Variants in ARHGEF12 observed in about 807,000 individuals in gnomAD.
ARHGEF12 encodes the protein Rho guanine nucleotide exchange factor 12.
Under a neutral mutation model 211.2 loss-of-function variants are expected in ARHGEF12, and 66 were observed. That is an observed-to-expected ratio of 0.31 (90% CI 0.26 to 0.38). The LOEUF (loss-of-function observed/expected upper bound fraction) is 0.38, where lower values mean the gene tolerates loss of function less well. Among genes scored for constraint, ARHGEF12 ranks in the 10% least tolerant of loss-of-function variants. The pLI, the probability that ARHGEF12 is intolerant of heterozygous loss-of-function variation, is 1.00. For missense variants in ARHGEF12, 1,429 were observed against 1,869.5 expected, an observed-to-expected ratio of 0.76 and a Z score of 4.34; for synonymous variants, 592 against 638.4, an observed-to-expected ratio of 0.93 and a Z score of 1.09.
At chr11:120,459,487 A>C in intron 26 of ARHGEF12, 167 bp downstream of exon 26, 1 of 762,998 alleles carries the variant, frequency 1.3e-6, no homozygotes, top group Non-Finnish European at 2.0e-6. Context: ...TTTTCCTCAC[A>C]ATCAATCTTT....
chr11:120,459,488 A>G, intron 26 of ARHGEF12, 168 bp downstream of exon 26: 2 of 761,344 alleles, frequency 2.6e-6, no homozygotes, highest in Admixed American at 3.1e-5. Flanking sequence ...TTTCCTCACA[A>G]TCAATCTTTC....
rs1219510287 is a variant in ARHGEF12, at chr11:120,406,151, C to T, written c.56+10C>T. The T allele has an allele frequency of 1.3e-6, 2 of 1,512,686 alleles. No homozygotes were observed. The highest frequency in any genetic ancestry group is 1.3e-5 in the South Asian group (1 of 76,436). 93.7% of individuals were successfully genotyped at this position (1,512,686 alleles called of 1,614,324 possible). ...TCAAAAAACCTATAAGGTAAGTTTG[C>T]TCAATTACACTTCATACTCAAGTTT... is the stretch of plus-strand genomic sequence containing the variant. On this transcript the variant is annotated intron_variant, in intron 2 of 40. Coordinates refer to ENST00000397843, the MANE Select transcript of ARHGEF12 (RefSeq NM_015313.3).
intron 1 of ARHGEF12, among the ~76,000 whole-genome samples, chr11:120,350,514 CAAA>C (rs1049405896): frequency 4.9e-5 from 4 of 81,042 alleles, no homozygotes; most frequent in Non-Finnish European, 7.6e-5. Context: ...GACTCCGTCT[CAAA>C]AAAAAAAAAA....
rs371114939 is a variant in ARHGEF12, at chr11:120,477,419, G to GTTT, written c.3453-11_3453-9dup. 4,072 of 1,242,426 alleles carry GTTT rather than the reference G, an allele frequency of 3.3e-3. 7 individuals are homozygous for GTTT. Among genetic ancestry groups the GTTT allele is most frequent in the South Asian group, 9.8e-3 (683 of 69,372 alleles). The allele number at this position is 1,242,426 out of a possible 1,614,324, so 77.0% of individuals were successfully genotyped here. On this transcript the variant is annotated intron_variant, in intron 35 of 40. Transcript: ENST00000397843. The stretch of plus-strand genomic sequence containing the variant: ...GTTTAGATACCTCAGGAAGGTAAAA[G>GTTT]TTTTTTTTTTTTTTTTTTTCTCTAC...
intron 1 of ARHGEF12, among the ~76,000 whole-genome samples, chr11:120,347,153 TTCCTTCCTTC>T (rs1942766982): frequency 8.2e-5 from 4 of 49,048 alleles, no homozygotes; most frequent in African/African-American, 1.3e-4. Flanking sequence ...CCTTCCTTCC[TTCCTTCCTTC>T]CTTCCTTCCT....
intron 1 of ARHGEF12, among the ~76,000 whole-genome samples, chr11:120,368,996 G>A (rs1374098464): frequency 1.3e-5 from 2 of 152,168 alleles, no homozygotes; most frequent in Middle Eastern, 3.4e-3. Context: ...TATAATATAG[G>A]TGGTCATTCT....
At chr11:120,389,560 G>T (rs902659081) in intron 1 of ARHGEF12, among the ~76,000 whole-genome samples, 5 of 152,184 alleles carry the variant, frequency 3.3e-5, no homozygotes, top group African/African-American at 1.2e-4. Flanking sequence ...TCACATCAGG[G>T]TGGATGGGGT....
At chr11:120,435,418 T>A (rs924421792) in intron 11 of ARHGEF12, among the ~76,000 whole-genome samples, 3 of 152,090 alleles carry the variant, frequency 2.0e-5, no homozygotes, top group African/African-American at 7.2e-5. Flanking sequence ...TTATATCACA[T>A]GAGGATGTGA....
intron 27 of ARHGEF12, among the ~76,000 whole-genome samples, chr11:120,461,284 G>A (rs1946521754): frequency 6.6e-6 from 1 of 152,160 alleles, no homozygotes; most frequent in South Asian, 2.1e-4. Context: ...TGGTCCATGA[G>A]CTGCAGAATG....
At chr11:120,476,826 T>C in intron 34 of ARHGEF12, 78 bp downstream of exon 34, 1 of 1,189,352 alleles carries the variant, frequency 8.4e-7, no homozygotes, top group East Asian at 2.4e-5. Flanking sequence ...AACTTAACTT[T>C]GTTTTTATAA....
At chr11:120,374,190 C>CGAA (rs1802645488) in intron 1 of ARHGEF12, among the ~76,000 whole-genome samples, 1 of 152,170 alleles carries the variant, frequency 6.6e-6, no homozygotes, top group South Asian at 2.1e-4. Flanking sequence ...CTCCTGTTTC[C>CGAA]TTTCCCTATG....
At chr11:120,349,889 T>C (rs1257191698) in intron 1 of ARHGEF12, among the ~76,000 whole-genome samples, 1 of 152,248 alleles carries the variant, frequency 6.6e-6, no homozygotes, top group African/African-American at 2.4e-5. Flanking sequence ...TTATCTTTTA[T>C]ATTTCAGGCT....
intron 1 of ARHGEF12, among the ~76,000 whole-genome samples, chr11:120,393,518 T>G (rs553665015): frequency 6.6e-6 from 1 of 152,168 alleles, no homozygotes; most frequent in Non-Finnish European, 1.5e-5. Context: ...AAAGGAAAAC[T>G]AGACCACATT....
rs749170904 is a variant in ARHGEF12, at chr11:120,437,573, G to C, written c.999+191G>C. ...TTCCATGGTTTGTAAGTATTCTTAG[G>C]TTCCTTCATATTTGTCGTGGTGGTA... is the stretch of plus-strand genomic sequence containing the variant. On this transcript the variant is annotated intron_variant, in intron 12 of 40. Coordinates refer to ENST00000397843, the MANE Select transcript of ARHGEF12 (RefSeq NM_015313.3). Among the ~76,000 whole-genome samples the C allele has an allele frequency of 2.0e-5, 3 of 151,976 alleles. No individual in the cohort carries two copies. In the East Asian group the frequency reaches 5.8e-4, roughly 29 times the overall value.
chr11:120,422,615 T>C (rs1945225333), intron 6 of ARHGEF12, among the ~76,000 whole-genome samples: 1 of 152,202 alleles, frequency 6.6e-6, no homozygotes, highest in Non-Finnish European at 1.5e-5. Context: ...TATACAAATA[T>C]TCCAAACTTC....
chr11:120,460,583 T>TA (rs57250811), intron 26 of ARHGEF12, 89 bp from the exon 27 acceptor site: 33,385 of 887,416 alleles, frequency 0.038, no homozygotes, highest in East Asian at 0.06. Context: ...ATCGTCTTTA[T>TA]AAAAAAAAAA....
rs1413106179 is a variant in ARHGEF12 at position 120,445,516 on chromosome 11, G to C, written c.1345+52G>C. On this transcript the variant is annotated intron_variant, in intron 16 of 40. Coordinates refer to ENST00000397843, the MANE Select transcript of ARHGEF12 (RefSeq NM_015313.3). ...AGAATTACATCTTAATAGATATGTA[G>C]CTCAGCTCATCTGTTCAGGTTTTAT... 4 of 1,554,564 alleles carry C rather than the reference G, an allele frequency of 2.6e-6. No homozygotes were observed. In the Admixed American group the frequency reaches 6.7e-5, roughly 26 times the overall value.
At chr11:120,415,337 C>A (rs1944998315) in intron 4 of ARHGEF12, among the ~76,000 whole-genome samples, 1 of 152,080 alleles carries the variant, frequency 6.6e-6, no homozygotes, top group African/African-American at 2.4e-5. Context: ...ATTGTCCTGC[C>A]AGGATTTTAT....
intron 1 of ARHGEF12, 145 bp downstream of exon 1, chr11:120,337,420 G>T: frequency 6.7e-7 from 1 of 1,486,730 alleles, no homozygotes; most frequent in Admixed American, 2.4e-5. Flanking sequence ...TTAGCCTGGG[G>T]TTGCTGCCGA....
Sources: allele counts gnomAD v4.1 joint callset (sites outside exome capture counted in the v4.1 genomes callset), GRCh38; gene constraint gnomAD v4.1.1; transcripts MANE v1.5; gene names NCBI Gene and HGNC (gene_info 2026-07-23, HGNC 2026-07-21).